C6orf163: variants seen among roughly 807,000 people sequenced by gnomAD.
C6orf163 encodes chromosome 6 open reading frame 163.
In C6orf163, 22 loss-of-function variants were observed where a neutral mutation model predicts 28.4. That is an observed-to-expected ratio of 0.78 (90% CI 0.55 to 1.11). The LOEUF (loss-of-function observed/expected upper bound fraction) is 1.11, where lower values mean the gene tolerates loss of function less well. C6orf163 is among the 50% of genes least tolerant of loss of function. C6orf163 has a pLI of 0.00. For missense variants in C6orf163, 342 were observed against 389.1 expected, an observed-to-expected ratio of 0.88 and a Z score of 1.02; for synonymous variants, 110 against 123.6, an observed-to-expected ratio of 0.89 and a Z score of 0.73.
chr6:87,350,659 G>A (rs191869297), intron 3 of C6orf163, among the ~76,000 whole-genome samples, 158 bp downstream of exon 3: 2 of 152,308 alleles, frequency 1.3e-5, no homozygotes, highest in East Asian at 1.9e-4. Flanking sequence ...GAGATGCTGA[G>A]CTCTCTAGAG....
chr6:87,358,043 C>G (rs910589403), intron 4 of C6orf163: 3 of 152,282 alleles, frequency 2.0e-5, no homozygotes, highest in Middle Eastern at 3.4e-3. Flanking sequence ...GTCGAAGCCA[C>G]TCTTCAGCAC....
chr6:87,345,576 C>CAA (rs1777309876), intron 1 of C6orf163, among the ~76,000 whole-genome samples: 1 of 152,128 alleles, frequency 6.6e-6, no homozygotes, highest in Non-Finnish European at 1.5e-5. Flanking sequence ...TGCCCTTGGC[C>CAA]ATACTTGAGC....
intron 3 of C6orf163, among the ~76,000 whole-genome samples, chr6:87,352,880 T>C (rs1219086438): frequency 1.3e-5 from 2 of 152,162 alleles, no homozygotes; most frequent in Non-Finnish European, 2.9e-5. Flanking sequence ...GGGGACATTA[T>C]GTAAAAATGC....
At chr6:87,363,690 G>A (rs1777609882) in intron 4 of C6orf163, among the ~76,000 whole-genome samples, 1 of 151,688 alleles carries the variant, frequency 6.6e-6, no homozygotes. Flanking sequence ...CATTTTTTAT[G>A]GCTGCATAGT....
chr6:87,359,817 A>G lies in C6orf163; in HGVS notation c.554+3314A>G, dbSNP rs150356870. On this transcript the variant is annotated intron_variant, in intron 4 of 4. Transcript: ENST00000388923. ...AATAGTTACTTTTCTGGCCAGTGCCACCCTGAAATACGGTGTGTATTTCAA... is the reference window on the plus strand; with the variant it reads ...AATAGTTACTTTTCTGGCCAGTGCCGCCCTGAAATACGGTGTGTATTTCAA... Among the ~76,000 whole-genome samples the G allele has an allele frequency of 5.7e-3, 873 of 152,298 alleles. 7 individuals carry two copies. Among genetic ancestry groups the G allele is most frequent in the African/African-American group, 0.019 (781 of 41,560 alleles).
Position 87,365,140 on chromosome 6 carries a change from C to T in C6orf163, c.734C>T (p.Ala245Val), listed in dbSNP as rs1777627354. ...CAAGAAGCAGAGAAAACACATCAGGCCACTCTTGGCAATATGATGGATAAA... is the reference window on the plus strand; with the variant it reads ...CAAGAAGCAGAGAAAACACATCAGGTCACTCTTGGCAATATGATGGATAAA... ...VLQEAEKTHQ[A>V]TLGNMMDKLA... Residue 245 changes from alanine (A) to valine (V), a missense_variant, in exon 5 of 5, where the codon GCC (alanine) becomes GTC (valine). Physicochemically the swap from Ala to Val is moderately conservative, Grantham distance 64 (BLOSUM62 0). Transcript: ENST00000388923. The T allele has an allele frequency of 6.4e-7, 1 of 1,551,760 alleles. No homozygotes were observed. The highest frequency in any genetic ancestry group is 2.0e-5 in the Admixed American group (1 of 50,974).
intron 2 of C6orf163, among the ~76,000 whole-genome samples, chr6:87,350,126 C>T (rs1307590074): frequency 3.9e-5 from 6 of 152,176 alleles, no homozygotes; most frequent in Non-Finnish European, 5.9e-5. Context: ...ACCCAGCAGC[C>T]TACATACAGT....
At chr6:87,363,253 T>C (rs1777603988) in intron 4 of C6orf163, among the ~76,000 whole-genome samples, 2 of 152,036 alleles carry the variant, frequency 1.3e-5, no homozygotes, top group Non-Finnish European at 2.9e-5. Flanking sequence ...TGCTTCTGAA[T>C]ATGTGGTCCA....
At chr6:87,349,007 G>C in intron 2 of C6orf163, 101 bp downstream of exon 2, 1 of 1,404,516 alleles carries the variant, frequency 7.1e-7, no homozygotes, top group Non-Finnish European at 9.4e-7. Context: ...AGAACTGACT[G>C]AATCCTGGCT....
chr6:87,357,889 C>G (rs1035832580), intron 4 of C6orf163: 2 of 152,180 alleles, frequency 1.3e-5, no homozygotes, highest in African/African-American at 4.8e-5. Flanking sequence ...GATTAAGGAA[C>G]TGCCATGTGT....
intron 2 of C6orf163, 58 bp downstream of exon 2, chr6:87,348,964 AT>A: frequency 1.3e-6 from 2 of 1,526,198 alleles, no homozygotes; most frequent in South Asian, 2.4e-5. Flanking sequence ...CACATTTTGG[AT>A]TTGTCTGAAA....
intron 2 of C6orf163, among the ~76,000 whole-genome samples, chr6:87,349,503 C>G (rs1187981484): frequency 4.6e-5 from 7 of 152,174 alleles, no homozygotes; most frequent in Admixed American, 4.6e-4. Context: ...AGGCATCAAA[C>G]TGAAGCAAAG....
At chr6:87,355,452 A>T (rs893066179) in intron 3 of C6orf163, among the ~76,000 whole-genome samples, 3 of 151,958 alleles carry the variant, frequency 2.0e-5, no homozygotes, top group Admixed American at 2.0e-4. Context: ...TCTCAGCTAC[A>T]TGGGAGGCTG....
chr6:87,352,270 C>T (rs1377598115), intron 3 of C6orf163, among the ~76,000 whole-genome samples: 2 of 152,208 alleles, frequency 1.3e-5, no homozygotes, highest in African/African-American at 4.8e-5. Flanking sequence ...CAGGGCTTGT[C>T]GGTGAACCAC....
chr6:87,359,629 A>G (rs535094535), intron 4 of C6orf163, among the ~76,000 whole-genome samples: 1 of 152,340 alleles, frequency 6.6e-6, no homozygotes, highest in East Asian at 1.9e-4. Context: ...AATTGCTACT[A>G]TGGACTTTCC....
intron 3 of C6orf163, among the ~76,000 whole-genome samples, chr6:87,353,452 A>C (rs140006499): frequency 0.012 from 1,788 of 152,194 alleles, 23 homozygotes; most frequent in Non-Finnish European, 0.017. Context: ...TTAAAAAAAA[A>C]AAACAAACAC....
intron 4 of C6orf163, among the ~76,000 whole-genome samples, chr6:87,360,303 A>G (rs926406858): frequency 6.6e-6 from 1 of 151,912 alleles, no homozygotes; most frequent in African/African-American, 2.4e-5. Flanking sequence ...AGACTAATTT[A>G]TGTACATTGA....
rs147269769 is a variant in C6orf163 at position 87,361,511 on chromosome 6, G to A, written c.555-3450G>A. On this transcript the variant is annotated intron_variant, in intron 4 of 4. Coordinates refer to ENST00000388923, the MANE Select transcript of C6orf163 (RefSeq NM_001010868.3). Reference sequence around the variant, plus strand: ...AACCTCCCATTTGGGTGAGAGGAAAGTCAGCCCCACCTGGCAGGAAACTCA... The same window carrying A: ...AACCTCCCATTTGGGTGAGAGGAAAATCAGCCCCACCTGGCAGGAAACTCA... Among the ~76,000 whole-genome samples the A allele has an allele frequency of 1.2e-4, 18 of 152,248 alleles. No individual in the cohort carries two copies. In the East Asian group the frequency reaches 3.3e-3, roughly 28 times the overall value.
At chr6:87,346,948 G>A (rs1777333794) in intron 1 of C6orf163, among the ~76,000 whole-genome samples, 1 of 152,112 alleles carries the variant, frequency 6.6e-6, no homozygotes, top group Non-Finnish European at 1.5e-5. Flanking sequence ...CTGGAACACT[G>A]GCATTGAAAC....
Sources: allele counts gnomAD v4.1 joint callset (sites outside exome capture counted in the v4.1 genomes callset), GRCh38; gene constraint gnomAD v4.1.1; transcripts MANE v1.5; gene names NCBI Gene and HGNC (gene_info 2026-07-23, HGNC 2026-07-21).